Variants in TRIM2 observed in about 807,000 individuals in gnomAD.
TRIM2 encodes tripartite motif-containing protein 2.
TRIM2 carries 20 observed loss-of-function variants against 75.2 expected under a neutral mutation model. That is an observed-to-expected ratio of 0.27 (90% CI 0.19 to 0.39). The LOEUF is 0.39. Ranked by LOEUF, TRIM2 falls within the 10% of genes least tolerant of loss-of-function variation. The pLI, the probability that TRIM2 is intolerant of heterozygous loss-of-function variation, is 1.00. For synonymous variants in TRIM2, 373 were observed against 388.3 expected (o/e 0.96, Z 0.46); for missense variants, 660 against 990.8 (o/e 0.67, Z 4.48).
At chr4:153,200,028 G>A (rs375722317), upstream of TRIM2, among the ~76,000 whole-genome samples, 21 of 146,864 alleles carry the variant, frequency 1.4e-4, no homozygotes, top group South Asian at 3.9e-3. Flanking sequence ...TGTAATCTCC[G>A]CCTCCTGGGT....
chr4:153,242,551 A>T (rs190373152), intron 1 of TRIM2, among the ~76,000 whole-genome samples: 1 of 152,304 alleles, frequency 6.6e-6, no homozygotes, highest in South Asian at 2.1e-4. Flanking sequence ...TAACTCTTCA[A>T]GCAGACCAGC....
chr4:153,153,827 G>T (rs1728965836), intron 1 of TRIM2, among the ~76,000 whole-genome samples: 1 of 152,214 alleles, frequency 6.6e-6, no homozygotes, highest in Admixed American at 6.5e-5. Flanking sequence ...CAGCGCCTTT[G>T]GGATTTCAGA....
At chr4:153,184,584 TCTGAACAGAGCCC>T (rs909768141) in intron 1 of TRIM2, among the ~76,000 whole-genome samples, 2 of 152,168 alleles carry the variant, frequency 1.3e-5, no homozygotes, top group Non-Finnish European at 2.9e-5. Flanking sequence ...CTCTGAGCAC[TCTGAACAGAGCCC>T]CAGTCCAGTC....
intron 3 of TRIM2, among the ~76,000 whole-genome samples, chr4:153,281,637 G>A (rs953080898): frequency 6.6e-6 from 1 of 152,200 alleles, no homozygotes; most frequent in Non-Finnish European, 1.5e-5. Flanking sequence ...ATAAAGCAGG[G>A]TGCTGCCATC....
chr4:153,243,819 C>T (rs1031530968), intron 1 of TRIM2, among the ~76,000 whole-genome samples: 22,981 of 79,646 alleles, frequency 0.29, 2,207 homozygotes, highest in African/African-American at 0.42. Context: ...TTTTTTTTTT[C>T]CCCCCCCCCT....
intron 1 of TRIM2, among the ~76,000 whole-genome samples, chr4:153,232,743 A>G (rs1164650789): frequency 6.6e-6 from 1 of 152,210 alleles, no homozygotes; most frequent in Non-Finnish European, 1.5e-5. Context: ...TGTGTCGTTA[A>G]GTCTAGAACA....
At chr4:153,249,585 C>G (rs1201615181) in intron 1 of TRIM2, among the ~76,000 whole-genome samples, 2 of 149,192 alleles carry the variant, frequency 1.3e-5, no homozygotes, top group Non-Finnish European at 2.9e-5. Context: ...GCGTCCGCCT[C>G]GGCCACCTCC....
chr4:153,256,153 A>C (rs893710562), intron 1 of TRIM2, among the ~76,000 whole-genome samples: 2 of 152,234 alleles, frequency 1.3e-5, no homozygotes, highest in African/African-American at 4.8e-5. Context: ...AAAATCCACA[A>C]AACTTCTAAA....
At chr4:153,291,031 G>C (rs1280092720) in intron 3 of TRIM2, among the ~76,000 whole-genome samples, 1 of 151,484 alleles carries the variant, frequency 6.6e-6, no homozygotes, top group Non-Finnish European at 1.5e-5. Flanking sequence ...TGAAATTACA[G>C]CCTTATATGA....
intron 1 of TRIM2, among the ~76,000 whole-genome samples, chr4:153,159,970 C>A: frequency 6.6e-6 from 1 of 152,148 alleles, no homozygotes; most frequent in East Asian, 1.9e-4. Context: ...TTCCCACAAC[C>A]CATTATTTTT....
intron 8 of TRIM2, among the ~76,000 whole-genome samples, chr4:153,320,778 A>T (rs1398479844): frequency 6.6e-6 from 1 of 151,986 alleles, no homozygotes; most frequent in Non-Finnish European, 1.5e-5. Flanking sequence ...AATTATAGGC[A>T]CCCACCACCA....
chr4:153,322,670 T>C lies in TRIM2; in HGVS notation c.1805T>C (p.Leu602Pro), dbSNP rs768800641. The C allele has an allele frequency of 6.2e-7, 1 of 1,613,926 alleles. No individual in the cohort carries two copies. Among genetic ancestry groups the C allele is most frequent in the Admixed American group, 1.7e-5 (1 of 60,026 alleles). Residue 602 changes from leucine to proline, a missense_variant, in exon 9 of 12, where the codon CTG becomes CCG. This residue lies in a region of TRIM2 where 620 missense variants were observed against 891.0 expected (regional missense o/e 0.70). Coordinates refer to ENST00000338700, the MANE Select transcript of TRIM2 (RefSeq NM_015271.5). Reference protein sequence around the residue: ...KFKTKIGSGKLMGPKGVSVDR... With the variant: ...KFKTKIGSGKPMGPKGVSVDR... ...CAGACAAAAATTGGATCAGGAAAGC[T>C]GATGGGACCCAAAGGAGTTTCTGTG... is the stretch of plus-strand genomic sequence containing the variant.
chr4:153,231,636 C>T (rs570893935), intron 1 of TRIM2, among the ~76,000 whole-genome samples: 3 of 152,292 alleles, frequency 2.0e-5, no homozygotes, highest in Admixed American at 1.3e-4. Flanking sequence ...TGGAGAAATA[C>T]AGACTTGATG....
At position 153,260,238 on chromosome 4, in the gene TRIM2, C is replaced by T. The variant is rs184644474; in HGVS notation, c.31-10097C>T. Among the ~76,000 whole-genome samples, 29 of 152,202 alleles carry T rather than the reference C, an allele frequency of 1.9e-4. 1 individual carries two copies. The highest frequency in any genetic ancestry group is 5.1e-4 in the African/African-American group (21 of 41,534). Reference sequence around the variant, plus strand: ...TTTGTGGTCCCAGAATACTTAGCCTCTTTGTGTAGTCCCCAAGCAAAGCAA... The same window carrying T: ...TTTGTGGTCCCAGAATACTTAGCCTTTTTGTGTAGTCCCCAAGCAAAGCAA... On this transcript the variant is annotated intron_variant, in intron 1 of 11. Transcript: ENST00000338700.
intron 8 of TRIM2, 115 bp downstream of exon 8, chr4:153,316,114 C>T (rs1767525509): frequency 6.1e-6 from 6 of 979,948 alleles, no homozygotes; most frequent in Non-Finnish European, 8.7e-6. Flanking sequence ...ATTCTTCATA[C>T]ACAAAGATAT....
chr4:153,155,001 G>A (rs573784584), intron 1 of TRIM2, among the ~76,000 whole-genome samples: 6 of 152,212 alleles, frequency 3.9e-5, no homozygotes, highest in African/African-American at 1.2e-4. Context: ...ATAGCCAGGC[G>A]TAATGGTGGG....
chr4:153,283,859 A>ATTT (rs1328302373), intron 3 of TRIM2, among the ~76,000 whole-genome samples: 3 of 79,390 alleles, frequency 3.8e-5, no homozygotes, highest in African/African-American at 5.8e-5. Flanking sequence ...GATGGCCTTG[A>ATTT]TCTTTTTTTT....
At chr4:153,225,940 G>T (rs1478052598) in intron 1 of TRIM2, among the ~76,000 whole-genome samples, 1 of 152,156 alleles carries the variant, frequency 6.6e-6, no homozygotes, top group Non-Finnish European at 1.5e-5. Flanking sequence ...GCACAATCAT[G>T]GTTCACAGCA....
chr4:153,169,905 C>T (rs1010317842), intron 1 of TRIM2, among the ~76,000 whole-genome samples: 11 of 152,064 alleles, frequency 7.2e-5, no homozygotes, highest in African/African-American at 2.2e-4. Flanking sequence ...GTGAGTGAGG[C>T]GCGTGTCTCT....
Sources: gnomAD v4.1 joint callset for allele counts (sites outside exome capture counted in the v4.1 genomes callset) on GRCh38, gnomAD v4.1.1 for gene constraint, gnomAD v4.1.1 regional missense constraint, MANE v1.5 for transcripts, NCBI Gene and HGNC (gene_info 2026-07-23, HGNC 2026-07-21) for gene names.